SLC12A7: variants seen among roughly 807,000 people sequenced by gnomAD.
SLC12A7 encodes the protein solute carrier family 12 member 7.
A neutral mutation model predicts 120.6 loss-of-function variants in SLC12A7; 100 were observed. That is an observed-to-expected ratio of 0.83 (90% confidence interval 0.71 to 0.98). The LOEUF (loss-of-function observed/expected upper bound fraction) is 0.98, where lower values mean the gene tolerates loss of function less well. SLC12A7 is among the 50% of genes least tolerant of loss of function. SLC12A7 has a pLI of 0.00. For missense variants in SLC12A7, 1,373 were observed against 1,548.1 expected, an observed-to-expected ratio of 0.89 and a Z score of 1.90; for synonymous variants, 760 against 678.0, an observed-to-expected ratio of 1.12 and a Z score of -1.88.
intron 3 of SLC12A7, among the ~76,000 whole-genome samples, chr5:1,092,091 G>A (rs928693410): frequency 3.3e-5 from 5 of 152,256 alleles, no homozygotes; most frequent in East Asian, 1.9e-4. Context: ...TCACGGTCAC[G>A]TCCCTCGTCT....
Position 1,078,741 on chromosome 5 carries a change from G to A in SLC12A7, c.1414C>T (p.Leu472=). ...ACGCCTTCAATGCAGGCCCCAAACA[G>A]CACAATGCAGGAGAGATCCACAGCC... ...TSFIYLSCIV[L]FGACIEGVVL... is the part of the protein sequence containing the mutation. Residue 472 remains leucine, a synonymous_variant, in exon 11 of 24, where the codon CTG becomes TTG. Transcript: ENST00000264930. 6.2e-7 allele frequency: 1 copy of A among 1,611,012 alleles called. No homozygotes were observed. Among genetic ancestry groups the A allele is most frequent in the Non-Finnish European group, 8.5e-7 (1 of 1,179,620 alleles).
rs767415635 is a variant in SLC12A7, at chr5:1,073,803, T to G, written c.2073-2A>C. On this transcript the variant is annotated splice_acceptor_variant, in intron 16 of 23. Transcript: ENST00000264930. LOFTEE classifies it high-confidence loss of function. ...TTCAGCATCACCAGCACCTGGGGCC[T>G]GCAGCCAGGGTGGGGCGGCTGTTAC... 7.1e-7 allele frequency: 1 copy of G among 1,411,378 alleles called. No individual in the cohort carries two copies. The highest frequency in any genetic ancestry group is 9.3e-7 in the Non-Finnish European group (1 of 1,074,712). The allele number at this position is 1,411,378 out of a possible 1,614,324, so 87.4% of individuals were successfully genotyped here.
upstream of SLC12A7, among the ~76,000 whole-genome samples, chr5:1,113,300 T>A (rs4554271): frequency 0.82 from 124,375 of 152,158 alleles, 51,194 homozygotes; most frequent in African/African-American, 0.91. Context: ...TTTTAGCCGC[T>A]TGCCTGTCTA....
rs1735751278 is a variant in SLC12A7 at position 1,057,558 on chromosome 5, G to T, written c.2939C>A (p.Thr980Asn). 2 of 1,613,110 alleles carry T rather than the reference G, an allele frequency of 1.2e-6. No individual in the cohort carries two copies. The highest frequency in any genetic ancestry group is 1.7e-6 in the Non-Finnish European group (2 of 1,179,976). The stretch of plus-strand genomic sequence containing the variant: ...AGCGATCAGCTTCTCCCTGGTCCAG[G>T]TCATCTGCACCTTGTCTGGCGTAGG... ...APPTPDKVQM[T>N]WTREKLIAEK... The change falls in exon 22 of 24, where the codon ACC becomes AAC. Residue 980 changes from threonine (T) to asparagine (N), a missense_variant. By Grantham distance (65) the Thr-to-Asn change is moderately conservative. Transcript: ENST00000264930.
chr5:1,110,523 C>T (rs886299198), intron 1 of SLC12A7, among the ~76,000 whole-genome samples: 2 of 152,262 alleles, frequency 1.3e-5, no homozygotes, highest in Admixed American at 1.3e-4. Flanking sequence ...CACTTACAGT[C>T]TAAAGACAAA....
At chr5:1,061,958 G>T (rs1006861528) in intron 20 of SLC12A7, among the ~76,000 whole-genome samples, 1 of 152,312 alleles carries the variant, frequency 6.6e-6, no homozygotes. Context: ...AAAATAAACA[G>T]CATGCCAGAC....
Position 1,077,981 on chromosome 5 carries a change from AG to A in SLC12A7, c.1480del (p.Leu494TrpfsTer67). The A allele has an allele frequency of 6.3e-7, 1 of 1,585,708 alleles. No individual in the cohort carries two copies. Among genetic ancestry groups the A allele is most frequent in the Non-Finnish European group, 8.6e-7 (1 of 1,167,046 alleles). On this transcript the variant is annotated frameshift_variant, in exon 12 of 24. Transcript: ENST00000264930. LOFTEE classifies it high-confidence loss of function. The part of the protein sequence containing the change: ...DKFGEALQGN[L>X]VIGMLAWPSP... Reference sequence around the variant, plus strand: ...GGGCCAGGCCAGCATGCCGATGACCAGGTTCCCCTGCAGGGCCTCCCCGAAC... The same window carrying A: ...GGGCCAGGCCAGCATGCCGATGACCAGTTCCCCTGCAGGGCCTCCCCGAAC...
At chr5:1,053,537 C>T in intron 22 of SLC12A7, 55 bp from the exon 23 acceptor site, 1 of 1,593,604 alleles carries the variant, frequency 6.3e-7, no homozygotes, top group South Asian at 1.1e-5. Context: ...ACGCTCCGGA[C>T]ACGAGGCTGA....
At chr5:1,154,346 G>C in the SLC12A7 span, among the ~76,000 whole-genome samples, 823 of 134,350 alleles carry the variant, frequency 6.1e-3, 9 homozygotes, top group African/African-American at 0.023. Context: ...TGGACAACTG[G>C]TGTCCGCAAC....
the SLC12A7 span, among the ~76,000 whole-genome samples, chr5:1,142,697 C>T: frequency 6.7e-6 from 1 of 149,020 alleles, no homozygotes; most frequent in Non-Finnish European, 1.5e-5. Context: ...TCTCTGTCCC[C>T]CTCCCCTCTT....
chr5:1,081,499 G>C, intron 9 of SLC12A7, 78 bp downstream of exon 9: 2 of 1,465,052 alleles, frequency 1.4e-6, no homozygotes, highest in Non-Finnish European at 1.9e-6. Context: ...TCCAGCCTGG[G>C]TGACAGAGCA....
chr5:1,102,655 G>A (rs569464072), intron 1 of SLC12A7, among the ~76,000 whole-genome samples: 256 of 152,282 alleles, frequency 1.7e-3, no homozygotes, highest in African/African-American at 5.7e-3. Context: ...ACAGAGAGGC[G>A]CCGGGCCTGG....
chr5:1,087,162 C>T, intron 5 of SLC12A7, 129 bp from the exon 6 acceptor site: 1 of 1,247,058 alleles, frequency 8.0e-7, no homozygotes, highest in South Asian at 1.6e-5. Flanking sequence ...GACCCTCGTC[C>T]ACCCGCAAAG....
chr5:1,100,378 G>A (rs758454169), intron 1 of SLC12A7, among the ~76,000 whole-genome samples: 11 of 152,228 alleles, frequency 7.2e-5, no homozygotes, highest in South Asian at 2.1e-4. Context: ...TGGGCCACCC[G>A]CAGCCGCCTG....
the SLC12A7 span, among the ~76,000 whole-genome samples, chr5:1,135,485 C>T: frequency 1.3e-5 from 2 of 152,168 alleles, no homozygotes; most frequent in African/African-American, 4.8e-5. Context: ...CACCTGCGGC[C>T]CTCGTCCCCA....
At chr5:1,067,225 G>A (rs1397827424) in intron 17 of SLC12A7, among the ~76,000 whole-genome samples, 1 of 152,190 alleles carries the variant, frequency 6.6e-6, no homozygotes, top group Non-Finnish European at 1.5e-5. Context: ...CTTTTGTTTA[G>A]GTCAGGAAAG....
At chr5:1,079,039 GA>G (rs1307016392) in intron 10 of SLC12A7, among the ~76,000 whole-genome samples, 7 of 152,292 alleles carry the variant, frequency 4.6e-5, no homozygotes, top group Non-Finnish European at 1.0e-4. Context: ...ATTGGCAGGG[GA>G]CCATGCTGAG....
At position 1,065,158 on chromosome 5, in the gene SLC12A7, G is replaced by A. The variant is rs878960363; in HGVS notation, c.2437+125C>T. 8 of 734,652 alleles carry A rather than the reference G, an allele frequency of 1.1e-5. No individual in the cohort carries two copies. In the African/African-American group the frequency reaches 1.3e-4, roughly 12 times the overall value. 45.5% of individuals were successfully genotyped at this position (734,652 alleles called of 1,614,324 possible). On this transcript the variant is annotated intron_variant, in intron 18 of 23. Coordinates refer to ENST00000264930, the MANE Select transcript of SLC12A7 (RefSeq NM_006598.3). ...GGGACACCAAGGGGACAGTGGGGAC[G>A]AAAAGGGGACAGTGAGAGGACAGCG... is the stretch of plus-strand genomic sequence containing the variant.
chr5:1,134,659 C>T, the SLC12A7 span, among the ~76,000 whole-genome samples: 1 of 152,118 alleles, frequency 6.6e-6, no homozygotes, highest in African/African-American at 2.4e-5. Context: ...CCAGCAATTT[C>T]ACTTCTGCAC....
Sources: allele counts gnomAD v4.1 joint callset (sites outside exome capture counted in the v4.1 genomes callset), GRCh38; gene constraint gnomAD v4.1.1; transcripts MANE v1.5; gene names NCBI Gene and HGNC (gene_info 2026-07-23, HGNC 2026-07-21).